The following BCL7B variants were observed in gnomAD, a reference collection of about 807,000 sequenced individuals.
The protein encoded by BCL7B is BAF chromatin remodeling complex subunit BCL7B.
Under a neutral mutation model 26.5 loss-of-function variants are expected in BCL7B, and 11 were observed. That is an observed-to-expected ratio of 0.42 (90% CI 0.26 to 0.69). The LOEUF (loss-of-function observed/expected upper bound fraction) is 0.69, where lower values mean the gene tolerates loss of function less well. Among genes scored for constraint, BCL7B ranks in the 30% least tolerant of loss-of-function variants. BCL7B has a pLI of 0.28. For missense variants in BCL7B, 215 were observed against 264.4 expected (o/e 0.81, Z 1.30); for synonymous variants, 111 against 107.9 (o/e 1.03, Z -0.18).
At chr7:73,543,496 A>G (rs1791846661) in intron 3 of BCL7B, 52 bp downstream of exon 3, 8 of 1,541,600 alleles carry the variant, frequency 5.2e-6, no homozygotes, top group Admixed American at 3.4e-5. Flanking sequence ...TTATTAATGC[A>G]TTCATCCAAG....
intron 2 of BCL7B, among the ~76,000 whole-genome samples, chr7:73,546,491 A>C (rs1554583495): frequency 6.6e-6 from 1 of 151,894 alleles, no homozygotes; most frequent in East Asian, 1.9e-4. Context: ...ATATGGTGAA[A>C]CCTGTCTCTA....
intron 4 of BCL7B, 187 bp downstream of exon 4, chr7:73,539,695 A>C: frequency 1.5e-6 from 1 of 661,160 alleles, no homozygotes. Flanking sequence ...ACGCAACTCT[A>C]ATGCTTGTTT....
chr7:73,553,142 C>T lies in BCL7B; in HGVS notation c.93-900G>A, dbSNP rs114540255. On this transcript the variant is annotated intron_variant, in intron 1 of 5. Coordinates refer to ENST00000223368, the MANE Select transcript of BCL7B (RefSeq NM_001707.4). ...GTGGTGGGGTGGGGGTGGGGGGTCTCTCTTTGTTGCCCGCGCTGGTCTTGA... is the reference window on the plus strand; with the variant it reads ...GTGGTGGGGTGGGGGTGGGGGGTCTTTCTTTGTTGCCCGCGCTGGTCTTGA... Among the ~76,000 whole-genome samples, 1,080 of 151,838 alleles carry T rather than the reference C, an allele frequency of 7.1e-3. 9 individuals are homozygous for T. The highest frequency in any genetic ancestry group is 0.025 in the African/African-American group (1,033 of 41,382).
intron 1 of BCL7B, 193 bp downstream of exon 1, chr7:73,557,294 G>T (rs1322363837): frequency 1.7e-6 from 2 of 1,153,678 alleles, no homozygotes; most frequent in East Asian, 8.0e-5. Context: ...CGCGAGCCGG[G>T]AGGACCGCTG....
At chr7:73,550,306 G>A (rs1461170204) in intron 2 of BCL7B, among the ~76,000 whole-genome samples, 3 of 152,122 alleles carry the variant, frequency 2.0e-5, no homozygotes, top group Non-Finnish European at 4.4e-5. Context: ...AGCACTTTGG[G>A]AGGCCAAGGC....
In BCL7B at chr7:73,540,197, C is replaced by T. The variant is rs140885355; in HGVS notation, c.266-145G>A. The T allele has an allele frequency of 9.9e-5, 84 of 849,142 alleles. No homozygotes were observed. In the African/African-American group the frequency reaches 1.2e-3, roughly 13 times the overall value. The allele number at this position is 849,142 out of a possible 1,614,324, so 52.6% of individuals were successfully genotyped here. On this transcript the variant is annotated intron_variant, in intron 3 of 5. Coordinates refer to ENST00000223368, the MANE Select transcript of BCL7B (RefSeq NM_001707.4). ...TAATCATTGTGCCCGGCCTACACGACATAGATTCTAAGCACCAGAGGCAGC... is the reference window on the plus strand; with the variant it reads ...TAATCATTGTGCCCGGCCTACACGATATAGATTCTAAGCACCAGAGGCAGC...
chr7:73,543,599 C>T lies in BCL7B; in HGVS notation c.214G>A (p.Gly72Ser). The change falls in exon 3 of 6, where the codon GGC (glycine) becomes AGC (serine). Residue 72 changes from glycine (G) to serine (S), a missense_variant. Gly to Ser is a moderately conservative substitution (Grantham distance 56). Transcript: ENST00000223368. ...TTGGCTGAGGCATCAGAAGGAAAGC[C>T]ATTAGGTTCTCGGGCTGCTGAACTG... ...SNSSAAREPN[G>S]FPSDASANSS... 6.2e-7 allele frequency: 1 copy of T among 1,613,788 alleles called. No individual in the cohort carries two copies. Among genetic ancestry groups the T allele is most frequent in the Non-Finnish European group, 8.5e-7 (1 of 1,179,938 alleles).
At chr7:73,538,566 C>T (rs1791627792) in intron 4 of BCL7B, among the ~76,000 whole-genome samples, 1 of 152,014 alleles carries the variant, frequency 6.6e-6, no homozygotes, top group African/African-American at 2.4e-5. Context: ...ATAATCCCAG[C>T]TACTCTGGAG....
intron 2 of BCL7B, among the ~76,000 whole-genome samples, chr7:73,549,093 T>C (rs1229854333): frequency 6.6e-6 from 1 of 152,168 alleles, no homozygotes; most frequent in Non-Finnish European, 1.5e-5. Context: ...CTTCCAAGAA[T>C]ATATCCTAGG....
intron 1 of BCL7B, among the ~76,000 whole-genome samples, chr7:73,552,890 C>A (rs374021146): frequency 2.8e-4 from 43 of 152,224 alleles, no homozygotes; most frequent in African/African-American, 9.9e-4. Context: ...TTTCTCTTTA[C>A]CAAATATATG....
intron 3 of BCL7B, 125 bp downstream of exon 3, chr7:73,543,423 C>T: frequency 1.2e-6 from 1 of 824,598 alleles, no homozygotes; most frequent in Admixed American, 2.0e-5. Flanking sequence ...GGTGATCTGC[C>T]CGCCTCAGAC....
intron 5 of BCL7B, 119 bp downstream of exon 5, chr7:73,537,815 G>T (rs782065265): frequency 3.1e-6 from 2 of 649,880 alleles, no homozygotes; most frequent in Non-Finnish European, 5.2e-6. Flanking sequence ...TTGAACCCAG[G>T]AGGCAGTGGA....
chr7:73,557,570 G>T lies in BCL7B; in HGVS notation c.9C>A (p.Gly3=). Residue 3 remains glycine, a synonymous_variant, in exon 1 of 6, where the codon GGC becomes GGA. Transcript: ENST00000223368. The part of the protein sequence containing the change: MS[G]RSVRAETRSR... ...TGCGGGTCTCCGCCCGGACCGACCGGCCCGACATGGCGGCGGCGGGAGCGG... is the reference window on the plus strand; with the variant it reads ...TGCGGGTCTCCGCCCGGACCGACCGTCCCGACATGGCGGCGGCGGGAGCGG... The T allele has an allele frequency of 7.5e-7, 1 of 1,341,974 alleles. No individual in the cohort carries two copies. The allele number at this position is 1,341,974 out of a possible 1,614,324, so 83.1% of individuals were successfully genotyped here.
At chr7:73,553,443 G>C (rs1479259877) in intron 1 of BCL7B, 3 of 152,202 alleles carry the variant, frequency 2.0e-5, no homozygotes, top group Admixed American at 6.6e-5. Context: ...GGAGGCCAAA[G>C]TGGGCGGATC....
chr7:73,557,652 G>T lies in BCL7B; in HGVS notation c.-74C>A. 1 of 912,098 alleles carries T rather than the reference G, an allele frequency of 1.1e-6. No homozygotes were observed. Among genetic ancestry groups the T allele is most frequent in the Non-Finnish European group, 1.4e-6 (1 of 728,698 alleles). The allele number at this position is 912,098 out of a possible 1,614,324, so 56.5% of individuals were successfully genotyped here. On this transcript the variant is annotated 5_prime_UTR_variant, in exon 1 of 6. Coordinates refer to ENST00000223368, the MANE Select transcript of BCL7B (RefSeq NM_001707.4). ...GGGATCGCGCGCCTCACGCGCCGCC[G>T]CCCGCCCGCCGCCGCCGCAGCGTCA... is the stretch of plus-strand genomic sequence containing the variant.
chr7:73,552,290 T>A, intron 1 of BCL7B, 48 bp from the exon 2 acceptor site: 2 of 1,469,460 alleles, frequency 1.4e-6, no homozygotes, highest in Non-Finnish European at 1.9e-6. Flanking sequence ...GCAATGTGTT[T>A]TCTGTTCATC....
intron 1 of BCL7B, chr7:73,557,169 G>T (rs1363827500): frequency 2.9e-6 from 3 of 1,018,080 alleles, no homozygotes; most frequent in African/African-American, 1.7e-5. Context: ...AGGGGAGGGC[G>T]GGCCCCGGGC....
At position 73,536,383 on chromosome 7, in the gene BCL7B, A is replaced by T. The variant is rs1161005783; in HGVS notation, c.*915T>A. 1 of 152,606 alleles carries T rather than the reference A, an allele frequency of 6.6e-6. No individual in the cohort carries two copies. The highest frequency in any genetic ancestry group is 1.5e-5 in the Non-Finnish European group (1 of 68,044). The allele number at this position is 152,606 out of a possible 1,614,324, so 9.5% of individuals were successfully genotyped here. A position where few individuals can be genotyped will look rare whatever the true frequency, so the allele number is the denominator to read the frequency against. On this transcript the variant is annotated 3_prime_UTR_variant, in exon 6 of 6. Coordinates refer to ENST00000223368, the MANE Select transcript of BCL7B (RefSeq NM_001707.4). Reference sequence around the variant, plus strand: ...TATTTCAAATAGTTTAATTTTAAAAATATTCTATTCAGTGCTAAAATATGT... The same window carrying T: ...TATTTCAAATAGTTTAATTTTAAAATTATTCTATTCAGTGCTAAAATATGT...
At chr7:73,552,132 G>A in intron 2 of BCL7B, 35 bp downstream of exon 2, 3 of 1,370,604 alleles carry the variant, frequency 2.2e-6, no homozygotes, top group Admixed American at 2.0e-5. Context: ...AAGAAATAAA[G>A]AAAATGGTAT....
Sources: allele counts gnomAD v4.1 joint callset (sites outside exome capture counted in the v4.1 genomes callset), GRCh38; gene constraint gnomAD v4.1.1; transcripts MANE v1.5; gene names NCBI Gene and HGNC (gene_info 2026-07-23, HGNC 2026-07-21).